CACNA1A: variants seen among roughly 807,000 people sequenced by gnomAD.
CACNA1A encodes the protein voltage-dependent P/Q-type calcium channel subunit alpha-1A.
CACNA1A carries 57 observed loss-of-function variants against 262.4 expected under a neutral mutation model. The ratio of observed to expected loss-of-function variants is 0.22; its 90% CI spans 0.18 to 0.27. CACNA1A has a LOEUF of 0.27. CACNA1A is among the 10% of genes least tolerant of loss of function. CACNA1A has a pLI of 1.00. For missense variants in CACNA1A, 2,526 were observed against 3,562.8 expected (o/e 0.71, Z 7.41); for synonymous variants, 1,431 against 1,419.3 (o/e 1.01, Z -0.18).
At position 13,257,376 on chromosome 19, in the gene CACNA1A, C is replaced by T; in HGVS notation, c.4564G>A (p.Glu1522Lys). Residue 1522 changes from glutamate to lysine, a missense_variant, in exon 28 of 47, where the codon GAG becomes AAG. Around this residue, in one of 17 missense-constraint regions of CACNA1A, gnomAD observed 137 missense variants for 377.7 expected, o/e 0.36. Coordinates refer to ENST00000360228, the MANE Select transcript of CACNA1A (RefSeq NM_001127222.2). ...TCATTTTTCTCCAGGCTGTATTCCT[C>T]CATCATCTTGTCCCCTTGCTCCTGG... Reference protein sequence around the residue: ...TFQEQGDKMMEEYSLEKNERA... With the variant: ...TFQEQGDKMMKEYSLEKNERA... 1 of 1,613,954 alleles carries T rather than the reference C, an allele frequency of 6.2e-7. No individual in the cohort carries two copies. Among genetic ancestry groups the T allele is most frequent in the Non-Finnish European group, 8.5e-7 (1 of 1,179,852 alleles).
In CACNA1A at chr19:13,206,641, C is replaced by CATTA. The variant is rs1432307425; in HGVS notation, c.*668_*671dup. ...AGAAAAAAATGCCTCTTTTCTCAAT[C>CATTA]ATTAATTTTTTTGTCCTTTTTAAAA... On this transcript the variant is annotated 3_prime_UTR_variant, in exon 47 of 47. Coordinates refer to ENST00000360228, the MANE Select transcript of CACNA1A (RefSeq NM_001127222.2). 1 of 153,122 alleles carries CATTA rather than the reference C, an allele frequency of 6.5e-6. No homozygotes were observed. The highest frequency in any genetic ancestry group is 6.6e-5 in the Admixed American group (1 of 15,064). 9.5% of individuals were successfully genotyped at this position (153,122 alleles called of 1,614,324 possible).
chr19:13,266,032 C>G (rs951948428), intron 24 of CACNA1A, among the ~76,000 whole-genome samples: 2 of 151,812 alleles, frequency 1.3e-5, no homozygotes, highest in Non-Finnish European at 2.9e-5. Context: ...TTAGTAGAGA[C>G]GGGGTTTCTC....
Position 13,478,876 on chromosome 19 carries a change from T to C in CACNA1A, c.294-23664A>G, listed in dbSNP as rs140077272. Among the ~76,000 whole-genome samples the C allele has an allele frequency of 8.1e-3, 1,229 of 152,280 alleles. 16 individuals are homozygous for C. Among genetic ancestry groups the C allele is most frequent in the African/African-American group, 0.028 (1,166 of 41,560 alleles). On this transcript the variant is annotated intron_variant, in intron 1 of 46. Coordinates refer to ENST00000360228, the MANE Select transcript of CACNA1A (RefSeq NM_001127222.2). ...CTGATCTAGGCTGTTCTAGTCCACA[T>C]TGGTGGGTAAAACCAAAAGATCAGG...
At chr19:13,457,391 A>G (rs759514242) in intron 1 of CACNA1A, among the ~76,000 whole-genome samples, 8 of 152,226 alleles carry the variant, frequency 5.3e-5, no homozygotes, top group Non-Finnish European at 1.0e-4. Flanking sequence ...GTATAAACAC[A>G]AAAGGATCGT....
At chr19:13,353,782 G>A (rs998986525) in intron 6 of CACNA1A, among the ~76,000 whole-genome samples, 1 of 152,178 alleles carries the variant, frequency 6.6e-6, no homozygotes, top group Non-Finnish European at 1.5e-5. Flanking sequence ...TCTCCATGCT[G>A]AGAATGCTGT....
chr19:13,310,618 G>A (rs1482191633), intron 12 of CACNA1A, among the ~76,000 whole-genome samples: 2 of 149,094 alleles, frequency 1.3e-5, no homozygotes. Context: ...TTACATGGGT[G>A]AGATTCATTC....
At position 13,234,885 on chromosome 19, in the gene CACNA1A, C is replaced by A. The variant is rs375339512; in HGVS notation, c.5249+36G>T. 5.5e-6 allele frequency: 8 copies of A among 1,454,886 alleles called. No individual in the cohort carries two copies. In the African/African-American group the frequency reaches 9.7e-5, roughly 18 times the overall value. 90.1% of individuals were successfully genotyped at this position (1,454,886 alleles called of 1,614,324 possible). On this transcript the variant is annotated intron_variant, in intron 34 of 46. Transcript: ENST00000360228. ...GGATGAAGGCAGGCACCCCACCCCA[C>A]GGAAACAGAATTATCAGAGCAGGTC...
intron 6 of CACNA1A, among the ~76,000 whole-genome samples, chr19:13,344,171 G>A (rs566243708): frequency 1.3e-5 from 2 of 148,498 alleles, no homozygotes; most frequent in South Asian, 2.1e-4. Flanking sequence ...TCAAGATCAT[G>A]CTGCTGTACT....
chr19:13,287,074 G>A, intron 19 of CACNA1A, 108 bp from the exon 20 acceptor site: 2 of 937,214 alleles, frequency 2.1e-6, no homozygotes, highest in Non-Finnish European at 1.6e-6. Flanking sequence ...AATTTGGGCT[G>A]GGCGCAGTGG....
intron 3 of CACNA1A, among the ~76,000 whole-genome samples, chr19:13,389,717 G>C (rs2059680206): frequency 6.6e-6 from 1 of 152,030 alleles, no homozygotes; most frequent in Non-Finnish European, 1.5e-5. Context: ...CACATTTTCG[G>C]CCTGTTTTCC....
intron 3 of CACNA1A, among the ~76,000 whole-genome samples, chr19:13,447,437 T>TTA (rs1356842965): frequency 6.6e-6 from 1 of 152,190 alleles, no homozygotes; most frequent in Non-Finnish European, 1.5e-5. Context: ...TGCCTTCAGT[T>TTA]TAATGATCAC....
intron 34 of CACNA1A, among the ~76,000 whole-genome samples, chr19:13,233,488 AAT>A (rs1222434661): frequency 1.3e-5 from 2 of 152,150 alleles, no homozygotes; most frequent in African/African-American, 4.8e-5. Flanking sequence ...AAATTAAAAA[AAT>A]ATATTTTTCT....
intron 10 of CACNA1A, among the ~76,000 whole-genome samples, chr19:13,320,498 T>C (rs2058231334): frequency 6.6e-6 from 1 of 152,226 alleles, no homozygotes; most frequent in Admixed American, 6.5e-5. Flanking sequence ...AATCTTCTAG[T>C]ACAACCTCAA....
At chr19:13,280,662 C>T (rs940807658) in intron 22 of CACNA1A, among the ~76,000 whole-genome samples, 3 of 151,358 alleles carry the variant, frequency 2.0e-5, no homozygotes, top group East Asian at 4.0e-4. Flanking sequence ...GCTCATTGAC[C>T]GGGCGTGGTG....
chr19:13,480,983 G>A (rs746772047), intron 1 of CACNA1A, among the ~76,000 whole-genome samples: 1 of 152,104 alleles, frequency 6.6e-6, no homozygotes, highest in Non-Finnish European at 1.5e-5. Context: ...AGCCTAGGCT[G>A]AAATCCCACT....
intron 19 of CACNA1A, among the ~76,000 whole-genome samples, chr19:13,296,910 C>T (rs1018636545): frequency 6.6e-6 from 1 of 151,964 alleles, no homozygotes; most frequent in African/African-American, 2.4e-5. Flanking sequence ...CAGGTGCATG[C>T]CACCACATCT....
At chr19:13,211,811 T>A (rs368921489) in intron 43 of CACNA1A, 1 of 383,776 alleles carries the variant, frequency 2.6e-6, no homozygotes, top group Non-Finnish European at 4.8e-6. Flanking sequence ...CAACCTCCCC[T>A]GTCTGCAGCC....
chr19:13,370,079 C>T (rs2059291655), intron 4 of CACNA1A, among the ~76,000 whole-genome samples: 1 of 151,996 alleles, frequency 6.6e-6, no homozygotes, highest in Non-Finnish European at 1.5e-5. Context: ...TAATGTCTGG[C>T]ACATAGTAAG....
intron 3 of CACNA1A, among the ~76,000 whole-genome samples, chr19:13,375,141 C>A (rs74362261): frequency 6.6e-6 from 1 of 152,044 alleles, no homozygotes; most frequent in African/African-American, 2.4e-5. Flanking sequence ...GTAATTCTTA[C>A]GGTATTTCAA....
Sources: gnomAD v4.1 joint callset for allele counts (sites outside exome capture counted in the v4.1 genomes callset) on GRCh38, gnomAD v4.1.1 for gene constraint, gnomAD v4.1.1 regional missense constraint, MANE v1.5 for transcripts, NCBI Gene and HGNC (gene_info 2026-07-23, HGNC 2026-07-21) for gene names.